CLCA1: variants seen among roughly 807,000 people sequenced by gnomAD.
CLCA1 encodes the protein calcium-activated chloride channel regulator 1.
CLCA1 carries 59 observed loss-of-function variants against 85.6 expected under a neutral mutation model. That is an observed-to-expected ratio of 0.69 (90% confidence interval 0.56 to 0.86). The LOEUF is 0.86. Among genes scored for constraint, CLCA1 ranks in the 40% least tolerant of loss-of-function variants. The pLI, the probability that CLCA1 is intolerant of heterozygous loss-of-function variation, is 0.00. For synonymous variants in CLCA1, 396 were observed against 398.3 expected, an observed-to-expected ratio of 0.99 and a Z score of 0.07; for missense variants, 1,022 against 1,101.4, an observed-to-expected ratio of 0.93 and a Z score of 1.02.
Position 86,493,602 on chromosome 1 carries a change from A to G in CLCA1, c.1680+3A>G. 1.2e-6 allele frequency: 2 copies of G among 1,603,734 alleles called. No individual in the cohort carries two copies. The highest frequency in any genetic ancestry group is 1.7e-6 in the Non-Finnish European group (2 of 1,170,914). On this transcript the variant is annotated splice_donor_region_variant and intron_variant, in intron 10 of 13. Transcript: ENST00000394711. Reference sequence around the variant, plus strand: ...TCCAAATCCCAGGCATTGCTAAGGTATGGAGTCAGCTTTTTTTCTTTCTCA... The same window carrying G: ...TCCAAATCCCAGGCATTGCTAAGGTGTGGAGTCAGCTTTTTTTCTTTCTCA...
intron 5 of CLCA1, among the ~76,000 whole-genome samples, chr1:86,482,709 C>G (rs761848892): frequency 6.6e-6 from 1 of 152,174 alleles, no homozygotes; most frequent in Non-Finnish European, 1.5e-5. Context: ...TAGGCAGTTC[C>G]TTTTATTAGT....
At position 86,473,774 on chromosome 1, in the gene CLCA1, C is replaced by A. The variant is rs762156544; in HGVS notation, c.349C>A (p.Pro117Thr). Residue 117 changes from proline to threonine, a missense_variant, in exon 3 of 14, where the codon CCC becomes ACC. By Grantham distance (38) the Pro-to-Thr change is conservative. Coordinates refer to ENST00000394711, the MANE Select transcript of CLCA1 (RefSeq NM_001285.4). ...GTCTACTCCTCCAGGTAATGATGAA[C>A]CCTACACTGAGCAGATGGGCAACTG... ...AESTPPGNDE[P>T]YTEQMGNCGE... is the part of the protein sequence containing the mutation. 13 of 1,612,494 alleles carry A rather than the reference C, an allele frequency of 8.1e-6. No homozygotes were observed. The East Asian group carries it at 2.0e-4, about 25-fold the overall frequency.
chr1:86,480,101 G>C (rs917661631), intron 4 of CLCA1, among the ~76,000 whole-genome samples: 11 of 152,044 alleles, frequency 7.2e-5, no homozygotes, highest in African/African-American at 2.7e-4. Flanking sequence ...CTAGAAGAAT[G>C]TTAATAAGTA....
Position 86,469,113 on chromosome 1 carries a change from A to C in CLCA1, c.142A>C (p.Thr48Pro), listed in dbSNP as rs1401757806. ...CGACCCCAATGTGCCAGAAGATGAA[A>C]CACTCATTCAACAAATAAAGGTAAG... ...AIDPNVPEDE[T>P]LIQQIKDMVT... Residue 48 changes from threonine (T) to proline (P), a missense_variant, in exon 1 of 14, where the codon ACA (threonine) becomes CCA (proline). Transcript: ENST00000394711. 6.2e-7 allele frequency: 1 copy of C among 1,606,406 alleles called. No individual in the cohort carries two copies. Among genetic ancestry groups the C allele is most frequent in the Admixed American group, 1.7e-5 (1 of 59,062 alleles).
chr1:86,476,639 T>G, intron 4 of CLCA1, 86 bp downstream of exon 4: 2 of 588,888 alleles, frequency 3.4e-6, no homozygotes, highest in Non-Finnish European at 6.0e-6. Context: ...AAAATGTGTG[T>G]CCTGGCTTAT....
intron 12 of CLCA1, among the ~76,000 whole-genome samples, chr1:86,498,000 C>T (rs972748349): frequency 2.0e-5 from 3 of 151,910 alleles, no homozygotes; most frequent in Non-Finnish European, 2.9e-5. Flanking sequence ...AAAATTAGCT[C>T]GGTGTGGTGG....
In CLCA1 at chr1:86,499,913, G is replaced by C; in HGVS notation, c.2613G>C (p.Pro871=). 1 of 1,613,952 alleles carries C rather than the reference G, an allele frequency of 6.2e-7. No homozygotes were observed. Among genetic ancestry groups the C allele is most frequent in the Non-Finnish European group, 8.5e-7 (1 of 1,179,906 alleles). The part of the protein sequence containing the change: ...RVSLFIPPQT[P]PETPSPDETS... ...CTTTGTTTATTCCTCCACAGACTCCGCCAGAGACACCTAGTCCTGATGAAA... is the reference window on the plus strand; with the variant it reads ...CTTTGTTTATTCCTCCACAGACTCCCCCAGAGACACCTAGTCCTGATGAAA... The change falls in exon 14 of 14, where the codon CCG becomes CCC. Residue 871 remains proline (P), a synonymous_variant. Coordinates refer to ENST00000394711, the MANE Select transcript of CLCA1 (RefSeq NM_001285.4).
chr1:86,494,930 G>A (rs1331172280), intron 11 of CLCA1, among the ~76,000 whole-genome samples: 1 of 151,620 alleles, frequency 6.6e-6, no homozygotes, highest in African/African-American at 2.4e-5. Context: ...TATGATTCCT[G>A]TATCTATGCA....
At chr1:86,473,333 G>C (rs770750529) in intron 1 of CLCA1, 84 bp from the exon 2 acceptor site, 18 of 1,010,026 alleles carry the variant, frequency 1.8e-5, no homozygotes, top group Admixed American at 2.5e-5. Flanking sequence ...TTTTGAAAAT[G>C]TGAAATCCAG....
intron 4 of CLCA1, among the ~76,000 whole-genome samples, chr1:86,481,777 G>T (rs1463417546): frequency 6.6e-6 from 1 of 152,080 alleles, no homozygotes; most frequent in Non-Finnish European, 1.5e-5. Context: ...AAATACCTAT[G>T]AACATACCAG....
chr1:86,496,893 C>T (rs5744416), intron 12 of CLCA1, among the ~76,000 whole-genome samples: 3,886 of 152,234 alleles, frequency 0.026, 71 homozygotes, highest in Middle Eastern at 0.061. Context: ...CCATGCCCAG[C>T]TAAGTTTTGT....
intron 1 of CLCA1, among the ~76,000 whole-genome samples, chr1:86,470,905 G>T (rs545540146): frequency 3.3e-5 from 5 of 152,224 alleles, no homozygotes; most frequent in African/African-American, 1.2e-4. Flanking sequence ...TAAAATATTT[G>T]CTTCAGCAGG....
chr1:86,491,383 TA>T lies in CLCA1; in HGVS notation c.1464+14del. 6.4e-7 allele frequency: 1 copy of T among 1,573,368 alleles called. No individual in the cohort carries two copies. Among genetic ancestry groups the T allele is most frequent in the Non-Finnish European group, 8.7e-7 (1 of 1,147,576 alleles). On this transcript the variant is annotated intron_variant, in intron 9 of 13. Transcript: ENST00000394711. The stretch of plus-strand genomic sequence containing the variant: ...AGCGCTCCATCCAGGTTGGAGTTCT[TA>T]ATCTTTGGTTTTTCATATTTACACA...
chr1:86,484,622 A>G (rs193057116), intron 5 of CLCA1, among the ~76,000 whole-genome samples: 17 of 152,336 alleles, frequency 1.1e-4, no homozygotes, highest in Admixed American at 9.8e-4. Context: ...AAAAGTCACA[A>G]AGTAAACTGC....
intron 3 of CLCA1, among the ~76,000 whole-genome samples, chr1:86,475,137 T>C (rs1407142): frequency 0.89 from 134,911 of 152,164 alleles, 60,017 homozygotes; most frequent in Non-Finnish European, 0.93. Context: ...CCTGACTGCC[T>C]CATCCCACTC....
At chr1:86,485,130 A>T (rs562400364) in intron 5 of CLCA1, among the ~76,000 whole-genome samples, 1 of 152,178 alleles carries the variant, frequency 6.6e-6, no homozygotes, top group African/African-American at 2.4e-5. Context: ...AGGTAAATGG[A>T]TTGCTGAGGA....
Position 86,498,750 on chromosome 1 carries a change from C to G in CLCA1, c.2292C>G (p.His764Gln). ...GQITDLKAEI[H>Q]GGSLINLTWT... is the part of the protein sequence containing the mutation. ...TCACCGACCTGAAGGCGGAAATTCA[C>G]GGGGGCAGTCTCATTAATCTGACTT... The change falls in exon 13 of 14, where the codon CAC becomes CAG. Residue 764 changes from histidine (H) to glutamine (Q), a missense_variant. Physicochemically the swap from His to Gln is conservative, Grantham distance 24 (BLOSUM62 0). Coordinates refer to ENST00000394711, the MANE Select transcript of CLCA1 (RefSeq NM_001285.4). The G allele has an allele frequency of 6.2e-7, 1 of 1,614,022 alleles. No homozygotes were observed. Among genetic ancestry groups the G allele is most frequent in the Non-Finnish European group, 8.5e-7 (1 of 1,180,000 alleles).
chr1:86,483,911 G>C (rs1176638952), intron 5 of CLCA1, among the ~76,000 whole-genome samples: 2 of 152,082 alleles, frequency 1.3e-5, no homozygotes, highest in East Asian at 3.9e-4. Context: ...GTTCCACATG[G>C]CTAGGGAGGC....
At position 86,482,366 on chromosome 1, in the gene CLCA1, CACA is replaced by C. The variant is rs747783235; in HGVS notation, c.723_725del (p.Gln241del). 1.2e-6 allele frequency: 2 copies of C among 1,613,740 alleles called. No homozygotes were observed. Among genetic ancestry groups the C allele is most frequent in the South Asian group, 1.1e-5 (1 of 90,962 alleles). On this transcript the variant is annotated inframe_deletion, in exon 5 of 14. Coordinates refer to ENST00000394711, the MANE Select transcript of CLCA1 (RefSeq NM_001285.4). ...ACGGAGAAGGCTTCTATAATGTTTG[CACA>C]ACATGTTGATTCTGTAAGTACCTTG...
Sources: allele counts gnomAD v4.1 joint callset (sites outside exome capture counted in the v4.1 genomes callset), GRCh38; gene constraint gnomAD v4.1.1; transcripts MANE v1.5; gene names NCBI Gene and HGNC (gene_info 2026-07-23, HGNC 2026-07-21).